Variants in NUP35 observed in about 807,000 individuals in gnomAD.
NUP35 encodes nucleoporin NUP35.
In NUP35, 25 loss-of-function variants were observed where a neutral mutation model predicts 41.5. The ratio of observed to expected loss-of-function variants is 0.60; its 90% CI spans 0.44 to 0.84. The LOEUF (loss-of-function observed/expected upper bound fraction) is 0.84. Among genes scored for constraint, NUP35 ranks in the 40% least tolerant of loss-of-function variants. The pLI, the probability that NUP35 is intolerant of heterozygous loss-of-function variation, is 0.00. For missense variants in NUP35, 396 were observed against 396.6 expected, an observed-to-expected ratio of 1.00 and a Z score of 0.01; for synonymous variants, 149 against 130.7, an observed-to-expected ratio of 1.14 and a Z score of -0.96.
chr2:183,150,140 CAT>C (rs1175713110), intron 4 of NUP35, among the ~76,000 whole-genome samples: 1 of 152,164 alleles, frequency 6.6e-6, no homozygotes, highest in African/African-American at 2.4e-5. Context: ...CTCCTGACGT[CAT>C]GATCCGCTCG....
At chr2:183,126,806 C>A (rs1402597156) in intron 1 of NUP35, among the ~76,000 whole-genome samples, 2 of 152,174 alleles carry the variant, frequency 1.3e-5, no homozygotes, top group Non-Finnish European at 2.9e-5. Context: ...ATACAAATAA[C>A]ATAGCAAACA....
chr2:183,136,258 C>T (rs1184765132), intron 4 of NUP35, among the ~76,000 whole-genome samples: 2 of 152,188 alleles, frequency 1.3e-5, no homozygotes, highest in Non-Finnish European at 2.9e-5. Flanking sequence ...GTTGCCATAA[C>T]AAATTACGAC....
Position 183,129,732 on chromosome 2 carries a change from A to G in NUP35, c.212-686A>G, listed in dbSNP as rs180983292. On this transcript the variant is annotated intron_variant, in intron 2 of 8. Transcript: ENST00000295119. ...TTGCTAGTAAGTGAGCGAGCGCTAT[A>G]AACCTCAGGTTAGTCTTATTCCATA... Among the ~76,000 whole-genome samples the G allele has an allele frequency of 5.3e-5, 8 of 152,306 alleles. No homozygotes were observed. In the East Asian group the frequency reaches 1.4e-3, roughly 26 times the overall value.
chr2:183,122,750 C>T (rs1297394910), upstream of NUP35, among the ~76,000 whole-genome samples: 1 of 152,220 alleles, frequency 6.6e-6, no homozygotes, highest in African/African-American at 2.4e-5. Flanking sequence ...GCCACCACAT[C>T]TAGCCTCAAT....
intron 6 of NUP35, 112 bp downstream of exon 6, chr2:183,157,625 TG>T: frequency 1.3e-6 from 1 of 742,942 alleles, no homozygotes. Context: ...AATTTTTTTT[TG>T]AGTTTTGATA....
At position 183,157,433 on chromosome 2, in the gene NUP35, CTT is replaced by C. The variant is rs572964193; in HGVS notation, c.540-5_540-4del. 3.2e-5 allele frequency: 52 copies of C among 1,601,884 alleles called. No individual in the cohort carries two copies. The South Asian group carries it at 5.5e-4, about 17-fold the overall frequency. Reference sequence around the variant, plus strand: ...AAGCTGACGTTTTCTTTGGACAACTCTTTTTTTCAGGTTTCCTCAAGCATCTG... The same window carrying C: ...AAGCTGACGTTTTCTTTGGACAACTCTTTTTCAGGTTTCCTCAAGCATCTG... On this transcript the variant is annotated splice_polypyrimidine_tract_variant and intron_variant, in intron 5 of 8. Coordinates refer to ENST00000295119, the MANE Select transcript of NUP35 (RefSeq NM_138285.5).
chr2:183,153,514 C>T (rs1685540858), intron 5 of NUP35, among the ~76,000 whole-genome samples: 1 of 152,072 alleles, frequency 6.6e-6, no homozygotes, highest in Non-Finnish European at 1.5e-5. Flanking sequence ...GGTTATAGGC[C>T]CCATGCAAGT....
At chr2:183,120,132 G>C (rs181800033), upstream of NUP35, 1 of 152,370 alleles carries the variant, frequency 6.6e-6, no homozygotes, top group East Asian at 1.9e-4. Context: ...TTTTCAGACA[G>C]CTGGGTAATG....
At chr2:183,130,367 C>T in intron 2 of NUP35, 51 bp from the exon 3 acceptor site, 1 of 1,491,532 alleles carries the variant, frequency 6.7e-7, no homozygotes, top group East Asian at 2.3e-5. Context: ...TTTAAAAAAT[C>T]TTACCAAAAA....
chr2:183,155,396 T>A (rs941729967), intron 5 of NUP35, among the ~76,000 whole-genome samples: 2 of 152,208 alleles, frequency 1.3e-5, no homozygotes, highest in African/African-American at 4.8e-5. Context: ...ATCTGTTTTT[T>A]GTGTATGTTT....
At chr2:183,142,891 T>C (rs1292824610) in intron 4 of NUP35, among the ~76,000 whole-genome samples, 2 of 150,718 alleles carry the variant, frequency 1.3e-5, no homozygotes, top group African/African-American at 4.9e-5. Context: ...GCACGGTGGC[T>C]CACGCCTGTA....
At chr2:183,124,939 T>G (rs867933097) in intron 1 of NUP35, among the ~76,000 whole-genome samples, 1 of 149,572 alleles carries the variant, frequency 6.7e-6, no homozygotes, top group African/African-American at 2.6e-5. Flanking sequence ...GTCCACTGCT[T>G]CTTGATCACC....
intron 5 of NUP35, among the ~76,000 whole-genome samples, chr2:183,152,908 C>T (rs889854622): frequency 1.3e-5 from 2 of 152,102 alleles, no homozygotes; most frequent in Non-Finnish European, 2.9e-5. Flanking sequence ...GTATTAGTCC[C>T]TATTCATACT....
chr2:183,129,623 A>G (rs74476046), intron 2 of NUP35, among the ~76,000 whole-genome samples: 7,029 of 152,294 alleles, frequency 0.046, 247 homozygotes, highest in South Asian at 0.15. Context: ...TATTTTGTCA[A>G]TCTTAAAGGG....
chr2:183,143,293 T>TTC (rs11462061), intron 4 of NUP35, among the ~76,000 whole-genome samples: 33,419 of 150,730 alleles, frequency 0.22, 3,901 homozygotes, highest in African/African-American at 0.3. Context: ...TTTTTTTTTT[T>TTC]ACCCCTCTAT....
At chr2:183,131,947 G>A (rs1194460800) in intron 3 of NUP35, among the ~76,000 whole-genome samples, 1 of 152,120 alleles carries the variant, frequency 6.6e-6, no homozygotes, top group Admixed American at 6.5e-5. Flanking sequence ...AAGGCTGGGC[G>A]TGTTGGTGCA....
chr2:183,130,632 C>G (rs1684665606), intron 3 of NUP35, 87 bp downstream of exon 3: 1 of 1,362,514 alleles, frequency 7.3e-7, no homozygotes, highest in Admixed American at 2.0e-5. Context: ...TGAAATGTTT[C>G]CCTGAAGTCT....
At position 183,133,559 on chromosome 2, in the gene NUP35, T is replaced by A. The variant is rs1302029651; in HGVS notation, c.340-7T>A. ...TTTTACCATAACACTTTCTTCTGTT[T>A]GTGTAGCCAAACATTTCAGTAATGC... is the stretch of plus-strand genomic sequence containing the variant. On this transcript the variant is annotated splice_region_variant and splice_polypyrimidine_tract_variant and intron_variant, in intron 3 of 8. Coordinates refer to ENST00000295119, the MANE Select transcript of NUP35 (RefSeq NM_138285.5). 1.2e-6 allele frequency: 2 copies of A among 1,603,512 alleles called. No individual in the cohort carries two copies. The highest frequency in any genetic ancestry group is 8.5e-7 in the Non-Finnish European group (1 of 1,175,724).
At chr2:183,142,347 TG>T (rs1685123303) in intron 4 of NUP35, among the ~76,000 whole-genome samples, 1 of 152,228 alleles carries the variant, frequency 6.6e-6, no homozygotes, top group Non-Finnish European at 1.5e-5. Flanking sequence ...ATTGCTTGTT[TG>T]TGTGTTGCAT....
Sources: allele counts gnomAD v4.1 joint callset (sites outside exome capture counted in the v4.1 genomes callset), GRCh38; gene constraint gnomAD v4.1.1; transcripts MANE v1.5; gene names NCBI Gene and HGNC (gene_info 2026-07-23, HGNC 2026-07-21).